The following RBL1 variants were observed in gnomAD, a reference collection of about 807,000 sequenced individuals.
The protein encoded by RBL1 is retinoblastoma-like protein 1.
In RBL1, 82 loss-of-function variants were observed where a neutral mutation model predicts 123.0. The observed-to-expected ratio is 0.67, with a 90% confidence interval of 0.56 to 0.80. The LOEUF is 0.80. Ranked by LOEUF, RBL1 falls within the 30% of genes least tolerant of loss-of-function variation. RBL1 has a pLI of 0.00. For missense variants in RBL1, 1,171 were observed against 1,299.6 expected (o/e 0.90, Z 1.52); for synonymous variants, 405 against 441.3 (o/e 0.92, Z 1.03).
chr20:37,048,086 G>T (rs1370592653), intron 11 of RBL1, among the ~76,000 whole-genome samples: 2 of 152,198 alleles, frequency 1.3e-5, no homozygotes, highest in Non-Finnish European at 2.9e-5. Context: ...GCAGTCATTT[G>T]TAACTGTAAA....
Position 37,052,418 on chromosome 20 carries a change from T to C in RBL1, c.1467+3135A>G, listed in dbSNP as rs185642533. On this transcript the variant is annotated intron_variant, in intron 11 of 21. Transcript: ENST00000373664. ...GTGATCTCGGCTCACTGCAACCTCT[T>C]CCTCCCGGGCTCAAGCGATTCTCCT... Among the ~76,000 whole-genome samples the C allele has an allele frequency of 6.6e-4, 100 of 150,624 alleles. 2 individuals are homozygous for C. The Middle Eastern group carries it at 0.021, about 31-fold the overall frequency.
At chr20:36,999,299 G>A (rs917779193) in intron 21 of RBL1, among the ~76,000 whole-genome samples, 2 of 151,746 alleles carry the variant, frequency 1.3e-5, no homozygotes, top group Non-Finnish European at 1.5e-5. Context: ...TCAGCTACTC[G>A]GGAGGTTAAG....
At chr20:37,054,628 G>A (rs924631882) in intron 11 of RBL1, among the ~76,000 whole-genome samples, 10 of 151,634 alleles carry the variant, frequency 6.6e-5, no homozygotes, top group African/African-American at 9.7e-5. Flanking sequence ...TCAGGAGCTC[G>A]AGACCAGCCT....
Position 37,018,686 on chromosome 20 carries a change from T to C in RBL1, c.2632-317A>G, listed in dbSNP as rs189603780. On this transcript the variant is annotated intron_variant, in intron 18 of 21. Coordinates refer to ENST00000373664, the MANE Select transcript of RBL1 (RefSeq NM_002895.5). ...CCTGAATTTGGTCAGGTGCAGTGGC[T>C]CACACCTGTAATCCCAGCACTTTGG... 3.1e-4 allele frequency among the ~76,000 whole-genome samples: 47 copies of C among 152,276 alleles called. 1 individual carries two copies. The East Asian group carries it at 9.1e-3, about 29-fold the overall frequency.
At position 37,056,206 on chromosome 20, in the gene RBL1, C is replaced by A. The variant is rs766791806; in HGVS notation, c.1303G>T (p.Gly435Ter). 2 of 1,610,816 alleles carry A rather than the reference C, an allele frequency of 1.2e-6. No individual in the cohort carries two copies. The highest frequency in any genetic ancestry group is 1.7e-6 in the Non-Finnish European group (2 of 1,179,536). Residue 435 changes from glycine to a stop codon, truncating the protein, a stop_gained, in exon 10 of 22, where the codon GGA (glycine) becomes TGA (stop). Transcript: ENST00000373664. LOFTEE classifies it high-confidence loss of function. ...ENIMKILKGI[G>*]ETFCQHYTQS... ...GTATAGTGTTGACAGAAAGTCTCTC[C>A]TATTCCTTTTAGTATTTTCATAATG... is the stretch of plus-strand genomic sequence containing the variant.
chr20:37,010,743 T>C (rs2064136064), intron 19 of RBL1, among the ~76,000 whole-genome samples: 1 of 151,452 alleles, frequency 6.6e-6, no homozygotes, highest in Non-Finnish European at 1.5e-5. Flanking sequence ...TCAAACATCA[T>C]TATATGGCAC....
chr20:37,062,572 G>A (rs1040044603), intron 7 of RBL1, among the ~76,000 whole-genome samples: 2 of 148,580 alleles, frequency 1.3e-5, no homozygotes, highest in African/African-American at 5.0e-5. Context: ...TTTGAAATAT[G>A]GCAGGTGGAG....
intron 12 of RBL1, among the ~76,000 whole-genome samples, chr20:37,045,138 A>G (rs2064799733): frequency 6.6e-6 from 1 of 150,798 alleles, no homozygotes; most frequent in Non-Finnish European, 1.5e-5. Flanking sequence ...ACGGAGTCTC[A>G]CTCTGTCACC....
At chr20:37,074,436 TAA>T (rs1491233417) in intron 2 of RBL1, among the ~76,000 whole-genome samples, 3 of 140,240 alleles carry the variant, frequency 2.1e-5, no homozygotes, top group Admixed American at 7.2e-5. Context: ...AAAAAAAATT[TAA>T]GAGAGAGAGA....
chr20:37,033,421 G>A (rs1231343678), intron 15 of RBL1, among the ~76,000 whole-genome samples: 2 of 151,708 alleles, frequency 1.3e-5, no homozygotes, highest in Non-Finnish European at 2.9e-5. Flanking sequence ...CTGACCTCAT[G>A]ATCTGCCCTC....
intron 19 of RBL1, among the ~76,000 whole-genome samples, chr20:37,015,855 A>T (rs1239640831): frequency 6.6e-6 from 1 of 151,278 alleles, no homozygotes; most frequent in Non-Finnish European, 1.5e-5. Flanking sequence ...CCTCCTGAGT[A>T]GCTGGGATTA....
chr20:37,095,720 G>T, intron 1 of RBL1, 53 bp downstream of exon 1: 3 of 1,492,832 alleles, frequency 2.0e-6, no homozygotes, highest in Non-Finnish European at 2.7e-6. Flanking sequence ...GGGCGGGGCA[G>T]GGGTGGGGCC....
At position 37,095,826 on chromosome 20, in the gene RBL1, C is replaced by T. The variant is rs765873181; in HGVS notation, c.103G>A (p.Ala35Thr). 4 of 1,609,048 alleles carry T rather than the reference C, an allele frequency of 2.5e-6. No individual in the cohort carries two copies. In the South Asian group the frequency reaches 4.4e-5, roughly 18 times the overall value. ...GTAAAGTCGTCCAGGGCTTCGGCCGCGCTCCCCTCGTCCAGGTTCAGCTCC... is the reference window on the plus strand; with the variant it reads ...GTAAAGTCGTCCAGGGCTTCGGCCGTGCTCCCCTCGTCCAGGTTCAGCTCC... ...CQELNLDEGS[A>T]AEALDDFTAI... Residue 35 changes from alanine (A) to threonine (T), a missense_variant, in exon 1 of 22, where the codon GCG (alanine) becomes ACG (threonine). Ala to Thr is a moderately conservative substitution (Grantham distance 58, BLOSUM62 0). Transcript: ENST00000373664.
intron 13 of RBL1, among the ~76,000 whole-genome samples, chr20:37,042,907 C>CA (rs1245245162): frequency 0.047 from 2,467 of 52,672 alleles, 269 homozygotes; most frequent in Middle Eastern, 0.077. Context: ...CCCCCCCCTC[C>CA]AAAAAAAAAA....
At chr20:37,032,256 A>T (rs1191712393) in intron 16 of RBL1, among the ~76,000 whole-genome samples, 2 of 152,196 alleles carry the variant, frequency 1.3e-5, no homozygotes, top group Non-Finnish European at 2.9e-5. Context: ...AAAAGGAAGG[A>T]AATTCTGGCA....
chr20:37,049,526 A>G, intron 11 of RBL1: 1 of 755,660 alleles, frequency 1.3e-6, no homozygotes, highest in Non-Finnish European at 2.4e-6. Flanking sequence ...CACAAGAGAA[A>G]GAAGGTTAAG....
At chr20:37,008,223 C>T (rs546375911) in intron 19 of RBL1, among the ~76,000 whole-genome samples, 2 of 152,160 alleles carry the variant, frequency 1.3e-5, no homozygotes, top group African/African-American at 2.4e-5. Context: ...CAGCTTCAGA[C>T]AACTAAAAGG....
chr20:37,016,686 G>A (rs1321968621), intron 19 of RBL1, among the ~76,000 whole-genome samples: 10 of 151,946 alleles, frequency 6.6e-5, no homozygotes, highest in Admixed American at 6.6e-4. Context: ...CAGCACTTTG[G>A]GAGGCCATGG....
At chr20:37,067,766 C>CAA (rs1168742059) in intron 3 of RBL1, among the ~76,000 whole-genome samples, 1,226 of 62,188 alleles carry the variant, frequency 0.02, 2 homozygotes, top group East Asian at 0.041. Flanking sequence ...TGAGACTCCT[C>CAA]AAAAAAAAAA....
Sources: gnomAD v4.1 joint callset for allele counts (sites outside exome capture counted in the v4.1 genomes callset) on GRCh38, gnomAD v4.1.1 for gene constraint, MANE v1.5 for transcripts, NCBI Gene and HGNC (gene_info 2026-07-23, HGNC 2026-07-21) for gene names.